The following NEXN variants were observed in gnomAD, a reference collection of about 807,000 sequenced individuals.
NEXN encodes nexilin F-actin binding protein, also known as nexilin.
NEXN carries 65 observed loss-of-function variants against 92.6 expected under a neutral mutation model. That is an observed-to-expected ratio of 0.70 (90% CI 0.57 to 0.86). The LOEUF is 0.86. Ranked by LOEUF, NEXN falls within the 40% of genes least tolerant of loss-of-function variation. The pLI is 0.00. For missense variants in NEXN, 778 were observed against 771.1 expected, an observed-to-expected ratio of 1.01 and a Z score of -0.11; for synonymous variants, 254 against 242.5, an observed-to-expected ratio of 1.05 and a Z score of -0.44.
At position 77,897,247 on chromosome 1, in the gene NEXN, G is replaced by A. The variant is rs1186206382; in HGVS notation, c.-53+8488G>A. ...ACCAATATCCTTGATGAACATTGAT[G>A]CAAAAATCCTCAATAAAATACTGGC... On this transcript the variant is annotated intron_variant, in intron 1 of 12. Transcript: ENST00000334785. 5.9e-5 allele frequency among the ~76,000 whole-genome samples: 9 copies of A among 152,288 alleles called. No individual in the cohort carries two copies. In the East Asian group the frequency reaches 1.7e-3, roughly 29 times the overall value.
chr1:77,901,742 TG>T (rs1242268480), intron 1 of NEXN, among the ~76,000 whole-genome samples: 1 of 152,144 alleles, frequency 6.6e-6, no homozygotes, highest in Non-Finnish European at 1.5e-5. Flanking sequence ...CCTTTCTTTT[TG>T]TGGGGGGATT....
At chr1:77,934,316 GTTTTC>G (rs949221795) in intron 10 of NEXN, among the ~76,000 whole-genome samples, 1 of 151,690 alleles carries the variant, frequency 6.6e-6, no homozygotes, top group African/African-American at 2.4e-5. Context: ...CGGCCTTTTT[GTTTTC>G]TTTTCTAAAG....
intron 1 of NEXN, among the ~76,000 whole-genome samples, chr1:77,896,854 A>C (rs1571067906): frequency 1.3e-5 from 2 of 152,248 alleles, no homozygotes; most frequent in East Asian, 3.9e-4. Flanking sequence ...CAGAAATACA[A>C]ACTACCATCA....
Position 77,933,320 on chromosome 1 carries a change from C to T in NEXN, c.1092C>T (p.Ile364=), listed in dbSNP as rs1377645143. 2.8e-5 allele frequency: 45 copies of T among 1,607,532 alleles called. No homozygotes were observed. In the Admixed American group the frequency reaches 7.2e-4, roughly 26 times the overall value. The part of the protein sequence containing the change: ...DDDSPEMYKT[I]SQEFLTPGKL... Reference sequence around the variant, plus strand: ...ACTCCCCAGAGATGTATAAGACAATCTCTCAAGAATTTCTTACACCGGGAA... The same window carrying T: ...ACTCCCCAGAGATGTATAAGACAATTTCTCAAGAATTTCTTACACCGGGAA... The change falls in exon 10 of 13, where the codon ATC becomes ATT. Residue 364 remains isoleucine (I), a synonymous_variant. Coordinates refer to ENST00000334785, the MANE Select transcript of NEXN (RefSeq NM_144573.4).
In NEXN at chr1:77,938,795, AGAG is replaced by A. The variant is rs777992511; in HGVS notation, c.1473+2755_1473+2757del. On this transcript the variant is annotated intron_variant, in intron 11 of 12. Coordinates refer to ENST00000334785, the MANE Select transcript of NEXN (RefSeq NM_144573.4). ...GGTAAAGAGGAGAGACATTCCAGAT[AGAG>A]GAGAAGCCTTCCAGATTAACTCAGA... Among the ~76,000 whole-genome samples the A allele has an allele frequency of 7.9e-5, 12 of 152,282 alleles. No individual in the cohort carries two copies. The South Asian group carries it at 2.1e-3, about 26-fold the overall frequency.
At chr1:77,907,850 G>A (rs1648241478) in intron 1 of NEXN, among the ~76,000 whole-genome samples, 1 of 151,994 alleles carries the variant, frequency 6.6e-6, no homozygotes. Context: ...CACAAAAAAA[G>A]CCTTTTGAAG....
chr1:77,896,233 G>A (rs1363211685), intron 1 of NEXN, among the ~76,000 whole-genome samples: 1 of 151,212 alleles, frequency 6.6e-6, no homozygotes, highest in Non-Finnish European at 1.5e-5. Context: ...CAGAAACTGA[G>A]CTCATTTTCT....
At chr1:77,932,235 A>G (rs1268072601) in intron 9 of NEXN, among the ~76,000 whole-genome samples, 1 of 152,152 alleles carries the variant, frequency 6.6e-6, no homozygotes, top group African/African-American at 2.4e-5. Context: ...CTATAATCTT[A>G]TTAGAAATAT....
chr1:77,938,398 C>T (rs1385925319), intron 11 of NEXN, among the ~76,000 whole-genome samples: 1 of 151,990 alleles, frequency 6.6e-6, no homozygotes, highest in African/African-American at 2.4e-5. Flanking sequence ...CACCTGTAAT[C>T]CCGGCACTTT....
chr1:77,937,913 T>C (rs1187770760), intron 11 of NEXN, among the ~76,000 whole-genome samples: 1 of 151,992 alleles, frequency 6.6e-6, no homozygotes, highest in Non-Finnish European at 1.5e-5. Flanking sequence ...GAAATAAGAG[T>C]ATGTGTTACT....
rs534135476 is a variant in NEXN at position 77,941,646 on chromosome 1, A to C, written c.1474-377A>C. ...TTAAGTGAGAAAACATTTATTATGC[A>C]GTAGGGAATGGTATGGACTTACAGG... On this transcript the variant is annotated intron_variant, in intron 11 of 12. Coordinates refer to ENST00000334785, the MANE Select transcript of NEXN (RefSeq NM_144573.4). The C allele has an allele frequency of 1.3e-5, 3 of 238,536 alleles. No individual in the cohort carries two copies. The East Asian group carries it at 3.2e-4, about 25-fold the overall frequency. 14.8% of individuals were successfully genotyped at this position (238,536 alleles called of 1,614,324 possible).
At chr1:77,915,639 AAAAACAAAAC>A (rs902077285) in intron 1 of NEXN, among the ~76,000 whole-genome samples, 5 of 152,254 alleles carry the variant, frequency 3.3e-5, no homozygotes, top group African/African-American at 4.8e-5. Flanking sequence ...AAACAAAAAC[AAAAACAAAAC>A]AAAACAAAAC....
At position 77,917,942 on chromosome 1, in the gene NEXN, A is replaced by G; in HGVS notation, c.220-18A>G. On this transcript the variant is annotated intron_variant, in intron 3 of 12. Transcript: ENST00000334785. ...AATTTTTGGACATGTGCTCACATTAATTTATTTAACCATCTAGATTAAAGA... is the reference window on the plus strand; with the variant it reads ...AATTTTTGGACATGTGCTCACATTAGTTTATTTAACCATCTAGATTAAAGA... 6.3e-7 allele frequency: 1 copy of G among 1,599,186 alleles called. No individual in the cohort carries two copies.
At chr1:77,899,973 G>A (rs142131317) in intron 1 of NEXN, among the ~76,000 whole-genome samples, 6 of 152,024 alleles carry the variant, frequency 3.9e-5, no homozygotes, top group African/African-American at 1.4e-4. Context: ...TCTCTACATT[G>A]CTATGAGTTT....
At chr1:77,935,687 A>T in intron 10 of NEXN, 136 bp from the exon 11 acceptor site, 2 of 690,442 alleles carry the variant, frequency 2.9e-6, no homozygotes, top group Non-Finnish European at 5.1e-6. Flanking sequence ...ACATGGTGGC[A>T]TGTGCCTGTA....
intron 10 of NEXN, among the ~76,000 whole-genome samples, chr1:77,935,047 A>G (rs1253264449): frequency 5.9e-5 from 9 of 152,188 alleles, no homozygotes; most frequent in Admixed American, 5.9e-4. Context: ...TAGAACTCAT[A>G]TGACTCCTAG....
At position 77,932,293 on chromosome 1, in the gene NEXN, T is replaced by C. The variant is rs749263806; in HGVS notation, c.1054-989T>C. 3.3e-5 allele frequency among the ~76,000 whole-genome samples: 5 copies of C among 152,340 alleles called. No individual in the cohort carries two copies. In the East Asian group the frequency reaches 5.8e-4, roughly 18 times the overall value. The stretch of plus-strand genomic sequence containing the variant: ...TGCCACATAGTATTTGTGTTGACTT[T>C]AGACAATTACTTTTCAGTGCCTCAG... On this transcript the variant is annotated intron_variant, in intron 9 of 12. Transcript: ENST00000334785.
chr1:77,929,436 G>T lies in NEXN; in HGVS notation c.985G>T (p.Ala329Ser). The T allele has an allele frequency of 1.9e-6, 3 of 1,613,504 alleles. No individual in the cohort carries two copies. Among genetic ancestry groups the T allele is most frequent in the African/African-American group, 1.3e-5 (1 of 75,022 alleles). Residue 329 changes from alanine to serine, a missense_variant, in exon 9 of 13, where the codon GCA (alanine) becomes TCA (serine). Transcript: ENST00000334785. ...RQRREDEKRK[A>S]EEEARRRIEE... ...AAGAAGAGAAGATGAAAAAAGGAAA[G>T]CAGAAGAAGAAGCCAGAAGGAGAAT...
At chr1:77,940,448 ATTGTAC>A (rs1651167385) in intron 11 of NEXN, among the ~76,000 whole-genome samples, 1 of 152,210 alleles carries the variant, frequency 6.6e-6, no homozygotes, top group South Asian at 2.1e-4. Context: ...AAAGTTGACA[ATTGTAC>A]TTGACTGCAG....
Sources: gnomAD v4.1 joint callset for allele counts (sites outside exome capture counted in the v4.1 genomes callset) on GRCh38, gnomAD v4.1.1 for gene constraint, MANE v1.5 for transcripts, NCBI Gene and HGNC (gene_info 2026-07-23, HGNC 2026-07-21) for gene names.